The following TUBA1B variants were observed in gnomAD, a reference collection of about 807,000 sequenced individuals.
The protein encoded by TUBA1B is tubulin alpha-1B chain.
A neutral mutation model predicts 34.4 loss-of-function variants in TUBA1B; 1 was observed. That is an observed-to-expected ratio of 0.03 (90% CI 0.01 to 0.14). The LOEUF is 0.14. Ranked by LOEUF, TUBA1B falls within the 10% of genes least tolerant of loss-of-function variation. The probability of loss-of-function intolerance (pLI) is 1.00; values close to 1 mark genes in which losing one functional copy is unlikely to be tolerated. For missense variants in TUBA1B, 54 were observed against 583.6 expected, an observed-to-expected ratio of 0.09 and a Z score of 9.35; for synonymous variants, 197 against 212.5, an observed-to-expected ratio of 0.93 and a Z score of 0.64.
intron 1 of TUBA1B, 93 bp downstream of exon 1, chr12:49,131,205 G>T: frequency 1.3e-6 from 2 of 1,501,512 alleles, no homozygotes; most frequent in Non-Finnish European, 1.8e-6. Context: ...TCTGAGGCCA[G>T]CCCTTCCCGG....
At chr12:49,129,748 A>G in intron 1 of TUBA1B, 26 bp from the exon 2 acceptor site, 2 of 1,612,206 alleles carry the variant, frequency 1.2e-6, no homozygotes, top group Non-Finnish European at 1.7e-6. Context: ...AAGATATCAC[A>G]ATTTAAACCA....
chr12:49,129,980 C>T (rs1019038934), intron 1 of TUBA1B: 39 of 993,564 alleles, frequency 3.9e-5, no homozygotes, highest in Non-Finnish European at 5.4e-5. Flanking sequence ...TGAGGTCTGG[C>T]TGTGTTACCT....
intron 1 of TUBA1B, chr12:49,130,394 C>A: frequency 7.8e-7 from 1 of 1,280,478 alleles, no homozygotes; most frequent in South Asian, 1.2e-5. Flanking sequence ...CTTGCGCCCC[C>A]CGGCGGTGCT....
chr12:49,127,855 C>T lies in TUBA1B; in HGVS notation c.*103G>A. ...GGTACACATGGAAAAGACATGATCA[C>T]CAAGTGAAAACAATCTAACCAGAAA... On this transcript the variant is annotated 3_prime_UTR_variant, in exon 4 of 4. Transcript: ENST00000336023. 2.6e-6 allele frequency: 4 copies of T among 1,545,640 alleles called. No individual in the cohort carries two copies. Among genetic ancestry groups the T allele is most frequent in the Non-Finnish European group, 3.5e-6 (4 of 1,131,048 alleles).
intron 1 of TUBA1B, chr12:49,130,251 G>A (rs1473956940): frequency 7.8e-7 from 1 of 1,288,826 alleles, no homozygotes; most frequent in Non-Finnish European, 1.0e-6. Context: ...CTTTAGACTA[G>A]GTGGTCACAT....
In TUBA1B at chr12:49,127,878, A is replaced by G; in HGVS notation, c.*80T>C. ...CACCAAGTGAAAACAATCTAACCAG[A>G]AAGCTTTAACGTCTGTCAGTTAAGC... On this transcript the variant is annotated 3_prime_UTR_variant, in exon 4 of 4. Coordinates refer to ENST00000336023, the MANE Select transcript of TUBA1B (RefSeq NM_006082.3). 6.3e-7 allele frequency: 1 copy of G among 1,599,574 alleles called. No homozygotes were observed. The highest frequency in any genetic ancestry group is 1.1e-5 in the South Asian group (1 of 89,808).
intron 3 of TUBA1B, 65 bp from the exon 4 acceptor site, chr12:49,129,003 C>A (rs1865157): frequency 0.38 from 573,877 of 1,529,498 alleles, 112,992 homozygotes; most frequent in East Asian, 0.71. Flanking sequence ...ATTTCTATTT[C>A]AACTTTTTAG....
In TUBA1B at chr12:49,131,185, A is replaced by G. The variant is rs1462214289; in HGVS notation, c.3+113T>C. ...CTCTCGCCTCGTTTTCCGCCCTCCA[A>G]ACGGACGGCTCTGAGGCCAGCCCTT... On this transcript the variant is annotated intron_variant, in intron 1 of 3. Coordinates refer to ENST00000336023, the MANE Select transcript of TUBA1B (RefSeq NM_006082.3). 1.2e-5 allele frequency: 16 copies of G among 1,385,816 alleles called. No homozygotes were observed. In the East Asian group the frequency reaches 3.9e-4, roughly 34 times the overall value. 85.8% of individuals were successfully genotyped at this position (1,385,816 alleles called of 1,614,324 possible).
Position 49,127,901 on chromosome 12 carries a change from A to G in TUBA1B, c.*57T>C. ...AGAAAGCTTTAACGTCTGTCAGTTA[A>G]GCTGAAGCTGAAATTCTGGGAGCAT... On this transcript the variant is annotated 3_prime_UTR_variant, in exon 4 of 4. Transcript: ENST00000336023. 1 of 1,613,026 alleles carries G rather than the reference A, an allele frequency of 6.2e-7. No individual in the cohort carries two copies. Among genetic ancestry groups the G allele is most frequent in the Non-Finnish European group, 8.5e-7 (1 of 1,179,216 alleles).
chr12:49,131,262 C>T (rs1193671997), intron 1 of TUBA1B, 36 bp downstream of exon 1: 1 of 1,601,526 alleles, frequency 6.2e-7, no homozygotes, highest in African/African-American at 1.3e-5. Context: ...TTCCCTGCTT[C>T]CCTGAAAGCA....
chr12:49,129,964 T>G (rs185665089), intron 1 of TUBA1B: 2 of 1,007,172 alleles, frequency 2.0e-6, no homozygotes, highest in African/African-American at 3.3e-5. Context: ...ATTTTTTTTG[T>G]GGAGATGAGG....
chr12:49,131,193 G>A lies in TUBA1B; in HGVS notation c.3+105C>T, dbSNP rs192387134. On this transcript the variant is annotated intron_variant, in intron 1 of 3. Transcript: ENST00000336023. Reference sequence around the variant, plus strand: ...TCGTTTTCCGCCCTCCAAACGGACGGCTCTGAGGCCAGCCCTTCCCGGCTG... The same window carrying A: ...TCGTTTTCCGCCCTCCAAACGGACGACTCTGAGGCCAGCCCTTCCCGGCTG... 98 of 1,447,026 alleles carry A rather than the reference G, an allele frequency of 6.8e-5. 2 individuals carry two copies. In the South Asian group the frequency reaches 9.0e-4, roughly 13 times the overall value. The allele number at this position is 1,447,026 out of a possible 1,614,324, so 89.6% of individuals were successfully genotyped here.
chr12:49,130,038 T>C, intron 1 of TUBA1B: 1 of 1,183,638 alleles, frequency 8.4e-7, no homozygotes, highest in Non-Finnish European at 1.1e-6. Context: ...TAAAGCGATC[T>C]TTTCTAAAGA....
At chr12:49,130,340 G>T (rs967186516) in intron 1 of TUBA1B, 4 of 1,289,118 alleles carry the variant, frequency 3.1e-6, no homozygotes, top group Non-Finnish European at 4.0e-6. Context: ...ACAAGGGGCG[G>T]GGCTCTGCGG....
chr12:49,130,297 A>G (rs1941787137), intron 1 of TUBA1B: 2 of 1,289,234 alleles, frequency 1.6e-6, no homozygotes, highest in Non-Finnish European at 1.0e-6. Flanking sequence ...GCACGTGGCC[A>G]GACCAGCGCA....
chr12:49,127,801 A>G lies in TUBA1B; in HGVS notation c.*157T>C. 8.3e-7 allele frequency: 1 copy of G among 1,200,906 alleles called. No homozygotes were observed. The highest frequency in any genetic ancestry group is 1.5e-5 in the South Asian group (1 of 65,442). The allele number at this position is 1,200,906 out of a possible 1,614,324, so 74.4% of individuals were successfully genotyped here. On this transcript the variant is annotated 3_prime_UTR_variant, in exon 4 of 4. Transcript: ENST00000336023. ...CAAAGCTTTTGATGTTAATGACTTT[A>G]CTTTGAGATATGATGGAAAAATATT... is the stretch of plus-strand genomic sequence containing the variant.
Position 49,131,387 on chromosome 12 carries a change from T to C in TUBA1B, c.-87A>G. On this transcript the variant is annotated 5_prime_UTR_variant, in exon 1 of 4. Coordinates refer to ENST00000336023, the MANE Select transcript of TUBA1B (RefSeq NM_006082.3). ...CCGACAAGCTAAGAGTCGAGGTAAG[T>C]AACGCACTAGGGCGGGGCCGGCGCT... 2 of 1,527,358 alleles carry C rather than the reference T, an allele frequency of 1.3e-6. No individual in the cohort carries two copies. The highest frequency in any genetic ancestry group is 1.8e-6 in the Non-Finnish European group (2 of 1,114,546). The allele number at this position is 1,527,358 out of a possible 1,614,324, so 94.6% of individuals were successfully genotyped here.
rs1436692386 is a variant in TUBA1B, at chr12:49,129,687, A to C, written c.39T>G (p.Gly13=). The C allele has an allele frequency of 3.1e-6, 5 of 1,614,098 alleles. No homozygotes were observed. The highest frequency in any genetic ancestry group is 4.2e-6 in the Non-Finnish European group (5 of 1,180,042). Residue 13 remains glycine (G), a synonymous_variant, in exon 2 of 4, where the codon GGT becomes GGG. Transcript: ENST00000336023. The part of the protein sequence containing the change: ...ECISIHVGQA[G]VQIGNACWEL... ...CCCAGCAGGCATTGCCAATCTGGAC[A>C]CCAGCCTGGCCAACGTGGATGGAGA...
intron 3 of TUBA1B, 131 bp from the exon 4 acceptor site, chr12:49,129,069 C>T: frequency 1.3e-6 from 2 of 1,521,928 alleles, no homozygotes; most frequent in Admixed American, 2.1e-5. Flanking sequence ...ACAGACATAT[C>T]CACAAACTGT....
Sources: allele counts gnomAD v4.1 joint callset, GRCh38; gene constraint gnomAD v4.1.1; transcripts MANE v1.5; gene names NCBI Gene and HGNC (gene_info 2026-07-23, HGNC 2026-07-21).